ACTR3C: variants seen among roughly 807,000 people sequenced by gnomAD.
The protein encoded by ACTR3C is actin-related protein 3C.
Under a neutral mutation model 26.3 loss-of-function variants are expected in ACTR3C, and 18 were observed. The ratio of observed to expected loss-of-function variants is 0.68; its 90% confidence interval spans 0.47 to 1.01. The LOEUF is 1.01. Ranked by LOEUF, ACTR3C falls within the 50% of genes least tolerant of loss-of-function variation. The pLI, the probability that ACTR3C is intolerant of heterozygous loss-of-function variation, is 0.00. For missense variants in ACTR3C, 184 were observed against 250.7 expected (o/e 0.73, Z 1.80); for synonymous variants, 55 against 94.5 (o/e 0.58, Z 2.42).
At chr7:150,171,497 G>T in the ACTR3C span, among the ~76,000 whole-genome samples, 1 of 150,638 alleles carries the variant, frequency 6.6e-6, no homozygotes, top group South Asian at 2.1e-4. Flanking sequence ...GCAATTTTTA[G>T]AAGGAAATTT....
At chr7:150,008,296 T>C in the ACTR3C span, among the ~76,000 whole-genome samples, 2 of 152,298 alleles carry the variant, frequency 1.3e-5, no homozygotes, top group Non-Finnish European at 2.9e-5. Context: ...TCTCACTCCA[T>C]GAGGTCCTGG....
the ACTR3C span, among the ~76,000 whole-genome samples, chr7:150,100,168 G>T: frequency 6.6e-6 from 1 of 151,540 alleles, no homozygotes; most frequent in African/African-American, 2.4e-5. Context: ...CATACGCAGG[G>T]TGCATTCTCT....
chr7:150,041,136 A>G, the ACTR3C span, among the ~76,000 whole-genome samples: 4 of 150,552 alleles, frequency 2.7e-5, no homozygotes, highest in African/African-American at 1.0e-4. Context: ...TGGGGCTGCC[A>G]GAAGATTTTC....
At chr7:150,035,830 C>T in the ACTR3C span, among the ~76,000 whole-genome samples, 3 of 125,794 alleles carry the variant, frequency 2.4e-5, no homozygotes, top group East Asian at 2.4e-4. Flanking sequence ...CCCTGCCTTG[C>T]GGGGGTTGCC....
chr7:150,322,305 A>G (rs1224415166), intron 1 of ACTR3C, among the ~76,000 whole-genome samples: 1 of 152,248 alleles, frequency 6.6e-6, no homozygotes, highest in Admixed American at 6.5e-5. Flanking sequence ...TCTAAGTCAC[A>G]GGATGAGACA....
chr7:149,887,330 A>C, the ACTR3C span, among the ~76,000 whole-genome samples: 1 of 152,378 alleles, frequency 6.6e-6, no homozygotes, highest in African/African-American at 2.4e-5. Context: ...ATGCTTAGTC[A>C]AGGAAAGCAA....
chr7:149,890,016 A>G, the ACTR3C span, among the ~76,000 whole-genome samples: 2 of 152,244 alleles, frequency 1.3e-5, no homozygotes, highest in Non-Finnish European at 2.9e-5. Flanking sequence ...TTTAATATAC[A>G]TTAAATACAT....
the ACTR3C span, among the ~76,000 whole-genome samples, chr7:149,938,645 T>C: frequency 7.9e-5 from 12 of 152,118 alleles, no homozygotes; most frequent in East Asian, 2.3e-3. Context: ...GAAAAGAAAA[T>C]GGGGGTTGGG....
the ACTR3C span, among the ~76,000 whole-genome samples, chr7:149,984,629 A>C: frequency 1.3e-5 from 2 of 151,656 alleles, no homozygotes; most frequent in Non-Finnish European, 2.9e-5. Context: ...CTTTCACAGA[A>C]AGTCACTGGG....
chr7:150,091,987 C>CAAAAAAAAAAAAAAAAAAAAAAAAAAA, the ACTR3C span, among the ~76,000 whole-genome samples: 1 of 19,410 alleles, frequency 5.2e-5, no homozygotes, highest in Non-Finnish European at 1.0e-4. Flanking sequence ...GACTCCGTCT[C>CAAAAAAAAAAAAAAAAAAAAAAAAAAA]AAAAAAAAAA....
At chr7:150,251,885 T>A (rs1832875326) in intron 6 of ACTR3C, among the ~76,000 whole-genome samples, 1 of 152,136 alleles carries the variant, frequency 6.6e-6, no homozygotes, top group African/African-American at 2.4e-5. Flanking sequence ...TATTAATTTT[T>A]AAAAATAGAA....
the ACTR3C span, among the ~76,000 whole-genome samples, chr7:150,167,731 G>A: frequency 7.3e-5 from 11 of 150,514 alleles, no homozygotes; most frequent in African/African-American, 2.0e-4. Context: ...GCATGGAGGC[G>A]GTGCAAGCTC....
the ACTR3C span, among the ~76,000 whole-genome samples, chr7:150,037,371 G>A: frequency 4.8e-3 from 272 of 56,512 alleles, 1 homozygote; most frequent in African/African-American, 0.014. Context: ...CCCGCCTCGC[G>A]GGGGGTGCCT....
the ACTR3C span, among the ~76,000 whole-genome samples, chr7:150,013,959 G>A: frequency 3.3e-5 from 5 of 152,170 alleles, no homozygotes; most frequent in Non-Finnish European, 7.3e-5. Flanking sequence ...GAGGAGGAAA[G>A]ACACTGGGTA....
At chr7:150,201,315 C>A in the ACTR3C span, among the ~76,000 whole-genome samples, 8 of 152,304 alleles carry the variant, frequency 5.3e-5, no homozygotes, top group South Asian at 1.7e-3. Flanking sequence ...ACATACAGAG[C>A]TCTCAACACA....
the ACTR3C span, among the ~76,000 whole-genome samples, chr7:149,904,348 A>G: frequency 2.1e-4 from 31 of 147,768 alleles, no homozygotes; most frequent in Middle Eastern, 0.011. Flanking sequence ...TGGCCAACAT[A>G]GTGAAATCCC....
chr7:149,931,565 C>T, the ACTR3C span, among the ~76,000 whole-genome samples: 211 of 152,246 alleles, frequency 1.4e-3, no homozygotes, highest in African/African-American at 4.8e-3. Context: ...TGCATTTCCC[C>T]CAGCACTAAG....
the ACTR3C span, among the ~76,000 whole-genome samples, chr7:150,223,879 C>T: frequency 2.6e-4 from 39 of 152,322 alleles, no homozygotes; most frequent in African/African-American, 8.9e-4. Context: ...GTAGTCTCAT[C>T]AGAAGGCTCT....
chr7:150,305,301 G>A (rs1162552057), intron 1 of ACTR3C, among the ~76,000 whole-genome samples: 1 of 152,090 alleles, frequency 6.6e-6, no homozygotes, highest in Non-Finnish European at 1.5e-5. Context: ...GCAAATGACA[G>A]AACTCCCTTC....
Sources: allele counts gnomAD v4.1 joint callset (sites outside exome capture counted in the v4.1 genomes callset), GRCh38; gene constraint gnomAD v4.1.1; transcripts MANE v1.5; gene names NCBI Gene and HGNC (gene_info 2026-07-23, HGNC 2026-07-21).